Variants in GRIP1 observed in about 807,000 individuals in gnomAD.
GRIP1 encodes glutamate receptor interacting protein 1.
Under a neutral mutation model 129.9 loss-of-function variants are expected in GRIP1, and 45 were observed. That is an observed-to-expected ratio of 0.35 (90% CI 0.27 to 0.44). GRIP1 has a LOEUF of 0.44. Ranked by LOEUF, GRIP1 falls within the 20% of genes least tolerant of loss-of-function variation. GRIP1 has a pLI of 1.00. For missense variants in GRIP1, 1,196 were observed against 1,396.8 expected, an observed-to-expected ratio of 0.86 and a Z score of 2.29; for synonymous variants, 530 against 520.8, an observed-to-expected ratio of 1.02 and a Z score of -0.24.
At chr12:66,929,142 G>A (rs1037714566) in intron 1 of GRIP1, among the ~76,000 whole-genome samples, 3 of 152,192 alleles carry the variant, frequency 2.0e-5, no homozygotes, top group Non-Finnish European at 4.4e-5. Flanking sequence ...CAGATTAGAA[G>A]TTTAGCTACA....
At chr12:66,476,261 T>C (rs978996546) in intron 7 of GRIP1, among the ~76,000 whole-genome samples, 1 of 151,906 alleles carries the variant, frequency 6.6e-6, no homozygotes, top group Non-Finnish European at 1.5e-5. Flanking sequence ...AACTAGAAAA[T>C]CTAGAAGAAA....
chr12:66,920,885 T>C (rs1040254830), intron 1 of GRIP1, among the ~76,000 whole-genome samples: 6 of 152,354 alleles, frequency 3.9e-5, no homozygotes, highest in African/African-American at 1.4e-4. Context: ...TCCGTTCATC[T>C]GCAGTAAGGC....
chr12:67,041,199 GTATA>G (rs969184037), intron 1 of GRIP1, among the ~76,000 whole-genome samples: 1 of 151,656 alleles, frequency 6.6e-6, no homozygotes, highest in Non-Finnish European at 1.5e-5. Context: ...ATATACGTGT[GTATA>G]TATACACATA....
intron 5 of GRIP1, among the ~76,000 whole-genome samples, chr12:66,526,808 A>G (rs2139057048): frequency 6.6e-6 from 1 of 152,170 alleles, no homozygotes; most frequent in East Asian, 1.9e-4. Context: ...TCCAGAATCT[A>G]CAATGAACTC....
intron 1 of GRIP1, among the ~76,000 whole-genome samples, chr12:66,731,157 A>G (rs911681868): frequency 1.3e-5 from 2 of 152,126 alleles, no homozygotes; most frequent in African/African-American, 4.8e-5. Context: ...AAGGAGGATT[A>G]CTGGATTGCT....
intron 1 of GRIP1, among the ~76,000 whole-genome samples, chr12:67,002,984 C>T (rs750845000): frequency 6.6e-6 from 1 of 152,108 alleles, no homozygotes; most frequent in Non-Finnish European, 1.5e-5. Context: ...TTTCCCCTGG[C>T]TGAGTAACTG....
chr12:66,859,481 CATAA>C (rs2137111861), intron 1 of GRIP1, among the ~76,000 whole-genome samples: 1 of 151,736 alleles, frequency 6.6e-6, no homozygotes, highest in South Asian at 2.1e-4. Flanking sequence ...AAGTACACTA[CATAA>C]ATAAATAATA....
chr12:66,926,252 T>TTCA (rs2041294550), intron 1 of GRIP1, among the ~76,000 whole-genome samples: 1 of 152,174 alleles, frequency 6.6e-6, no homozygotes, highest in Admixed American at 6.5e-5. Flanking sequence ...GTTTTTTACG[T>TTCA]GTAATAATGT....
chr12:66,592,768 C>T (rs1339975429), intron 2 of GRIP1, among the ~76,000 whole-genome samples: 1 of 152,118 alleles, frequency 6.6e-6, no homozygotes, highest in Non-Finnish European at 1.5e-5. Context: ...GCAAAATATG[C>T]CAAACTCAAA....
At chr12:66,654,820 G>A (rs902561283) in intron 1 of GRIP1, among the ~76,000 whole-genome samples, 1 of 152,120 alleles carries the variant, frequency 6.6e-6, no homozygotes, top group Non-Finnish European at 1.5e-5. Flanking sequence ...AACAGATTGG[G>A]TTAGCCACTG....
At chr12:66,403,072 G>T (rs942575513) in intron 16 of GRIP1, among the ~76,000 whole-genome samples, 1 of 152,116 alleles carries the variant, frequency 6.6e-6, no homozygotes, top group African/African-American at 2.4e-5. Flanking sequence ...TTACCAAGTT[G>T]CCCAAACTCT....
chr12:66,787,884 C>G (rs773121557), intron 1 of GRIP1, among the ~76,000 whole-genome samples: 6 of 152,220 alleles, frequency 3.9e-5, no homozygotes, highest in African/African-American at 1.4e-4. Context: ...CAGAAGGGTG[C>G]CGTGGGCCTT....
intron 1 of GRIP1, among the ~76,000 whole-genome samples, chr12:66,856,433 C>T (rs1300179162): frequency 6.6e-6 from 1 of 151,976 alleles, no homozygotes; most frequent in Non-Finnish European, 1.5e-5. Flanking sequence ...GAGTCAACAG[C>T]CAACCTACAG....
intron 1 of GRIP1, among the ~76,000 whole-genome samples, chr12:66,946,124 C>A (rs181225088): frequency 6.6e-6 from 1 of 152,146 alleles, no homozygotes; most frequent in Admixed American, 6.6e-5. Flanking sequence ...CTTAAAAGAC[C>A]TTTCTATTTC....
At chr12:66,493,944 G>A (rs2060171157) in intron 7 of GRIP1, among the ~76,000 whole-genome samples, 1 of 152,116 alleles carries the variant, frequency 6.6e-6, no homozygotes, top group African/African-American at 2.4e-5. Flanking sequence ...AAAAATCTGG[G>A]CTGCAGGTGT....
chr12:66,820,791 G>C (rs1185917741), intron 1 of GRIP1, among the ~76,000 whole-genome samples: 1 of 151,846 alleles, frequency 6.6e-6, no homozygotes, highest in Non-Finnish European at 1.5e-5. Context: ...TATGACATTT[G>C]GGAAAAGGAA....
chr12:66,422,806 T>G (rs994827528), intron 14 of GRIP1, among the ~76,000 whole-genome samples: 4 of 152,218 alleles, frequency 2.6e-5, no homozygotes, highest in Non-Finnish European at 5.9e-5. Flanking sequence ...CTCTTTCTCC[T>G]TTAATGGACT....
chr12:66,569,623 A>AGGCACC, intron 2 of GRIP1, among the ~76,000 whole-genome samples: 1 of 152,198 alleles, frequency 6.6e-6, no homozygotes, highest in Admixed American at 6.5e-5. Context: ...ACCAGGGACC[A>AGGCACC]TGGGACTCAG....
In GRIP1 at chr12:66,362,833, G is replaced by A. The variant is rs752607216; in HGVS notation, c.3012+8861C>T. Among the ~76,000 whole-genome samples the A allele has an allele frequency of 4.6e-5, 7 of 151,818 alleles. 1 individual carries two copies. Among genetic ancestry groups the A allele is most frequent in the East Asian group, 1.9e-4 (1 of 5,174 alleles). On this transcript the variant is annotated intron_variant, in intron 23 of 24. Transcript: ENST00000359742. ...ACACTAGCGAGCCTGCCGCAGAGGC[G>A]TCTGAGTCTAGGGGATGGCAATTCT...
Sources: allele counts gnomAD v4.1 joint callset (sites outside exome capture counted in the v4.1 genomes callset), GRCh38; gene constraint gnomAD v4.1.1; transcripts MANE v1.5; gene names NCBI Gene and HGNC (gene_info 2026-07-23, HGNC 2026-07-21).